The following RANBP17 variants were observed in gnomAD, a reference collection of about 807,000 sequenced individuals.
RANBP17 encodes the protein RAN binding protein 17.
In RANBP17, 158 loss-of-function variants were observed where a neutral mutation model predicts 141.2. That is an observed-to-expected ratio of 1.12 (90% CI 0.98 to 1.28). RANBP17 has a LOEUF of 1.28. Ranked by LOEUF, RANBP17 falls within the 50% of genes most tolerant of loss-of-function variation. The pLI, the probability that RANBP17 is intolerant of heterozygous loss-of-function variation, is 0.00. For synonymous variants in RANBP17, 430 were observed against 450.0 expected, an observed-to-expected ratio of 0.96 and a Z score of 0.56; for missense variants, 1,438 against 1,290.7, an observed-to-expected ratio of 1.11 and a Z score of -1.75.
At chr5:171,042,301 A>G (rs1782304056) in intron 14 of RANBP17, among the ~76,000 whole-genome samples, 1 of 152,086 alleles carries the variant, frequency 6.6e-6, no homozygotes, top group Admixed American at 6.6e-5. Flanking sequence ...ATATAGTTAT[A>G]TATAGTTAAC....
chr5:171,234,252 C>T (rs868680952), intron 22 of RANBP17, among the ~76,000 whole-genome samples: 8 of 152,000 alleles, frequency 5.3e-5, no homozygotes, highest in South Asian at 2.1e-4. Context: ...AGTCTTAAGG[C>T]GGGAGTGTAT....
chr5:170,926,322 G>C (rs912501264), intron 12 of RANBP17, among the ~76,000 whole-genome samples: 1 of 151,994 alleles, frequency 6.6e-6, no homozygotes, highest in Non-Finnish European at 1.5e-5. Flanking sequence ...CCAGCAGCTC[G>C]TATTATTATA....
At chr5:171,207,786 A>G (rs924550930) in intron 20 of RANBP17, 1 of 152,220 alleles carries the variant, frequency 6.6e-6, no homozygotes, top group African/African-American at 2.4e-5. Context: ...CAAGATTTAT[A>G]GTTTTCCTTT....
intron 14 of RANBP17, among the ~76,000 whole-genome samples, chr5:171,134,601 C>A (rs1239694811): frequency 1.3e-5 from 2 of 152,172 alleles, no homozygotes; most frequent in African/African-American, 4.8e-5. Context: ...TGCTCTTGCA[C>A]ACTGAGGTAT....
chr5:170,970,149 T>C (rs1472568013), intron 14 of RANBP17, among the ~76,000 whole-genome samples: 2 of 151,836 alleles, frequency 1.3e-5, no homozygotes, highest in Non-Finnish European at 1.5e-5. Flanking sequence ...GAACAGACTC[T>C]CTAAGACATT....
chr5:171,203,861 G>A (rs1762434651), intron 19 of RANBP17, among the ~76,000 whole-genome samples: 2 of 152,186 alleles, frequency 1.3e-5, no homozygotes, highest in Middle Eastern at 3.4e-3. Flanking sequence ...AAACTTGTAA[G>A]TGTACCTAAT....
intron 14 of RANBP17, among the ~76,000 whole-genome samples, chr5:170,989,332 A>G (rs1449851956): frequency 6.6e-6 from 1 of 151,762 alleles, no homozygotes; most frequent in Admixed American, 6.6e-5. Context: ...CTTAACATCC[A>G]TATATTATGA....
chr5:171,232,417 C>T (rs1171877530), intron 22 of RANBP17, among the ~76,000 whole-genome samples: 4 of 152,108 alleles, frequency 2.6e-5, no homozygotes, highest in Non-Finnish European at 4.4e-5. Context: ...ACTTGTACTA[C>T]CATGTCTTTT....
chr5:171,243,517 TA>T (rs1765016411), intron 24 of RANBP17, among the ~76,000 whole-genome samples: 1 of 152,208 alleles, frequency 6.6e-6, no homozygotes, highest in Admixed American at 6.5e-5. Flanking sequence ...AAATTTTTTT[TA>T]TTTCTCTTGG....
At chr5:170,877,726 A>G (rs1768306368) in intron 1 of RANBP17, among the ~76,000 whole-genome samples, 1 of 152,154 alleles carries the variant, frequency 6.6e-6, no homozygotes, top group Non-Finnish European at 1.5e-5. Context: ...ACTCTACTGA[A>G]GGACCCTGGT....
intron 16 of RANBP17, among the ~76,000 whole-genome samples, chr5:171,174,650 C>T (rs773680935): frequency 1.3e-5 from 2 of 151,866 alleles, no homozygotes; most frequent in Non-Finnish European, 2.9e-5. Flanking sequence ...ACATGCTCCA[C>T]TTGGGTTTCA....
intron 14 of RANBP17, among the ~76,000 whole-genome samples, chr5:171,164,386 C>G (rs1040885259): frequency 3.3e-5 from 5 of 152,084 alleles, no homozygotes; most frequent in Non-Finnish European, 2.9e-5. Flanking sequence ...ATGTACAACT[C>G]AAAATTATGT....
At chr5:171,257,296 T>A (rs1235873477) in intron 24 of RANBP17, among the ~76,000 whole-genome samples, 1 of 152,114 alleles carries the variant, frequency 6.6e-6, no homozygotes, top group Non-Finnish European at 1.5e-5. Context: ...ATCAACAAAA[T>A]TAAGGACAAA....
At chr5:171,058,190 T>C (rs759606410) in intron 14 of RANBP17, among the ~76,000 whole-genome samples, 2 of 152,034 alleles carry the variant, frequency 1.3e-5, no homozygotes, top group Non-Finnish European at 1.5e-5. Context: ...CTTTAAGTTT[T>C]AGGGTACATG....
chr5:171,006,057 C>T (rs928033151), intron 14 of RANBP17, among the ~76,000 whole-genome samples: 1 of 152,080 alleles, frequency 6.6e-6, no homozygotes, highest in African/African-American at 2.4e-5. Flanking sequence ...TACCATCTCA[C>T]ACCAGTTAGA....
At chr5:171,066,773 T>C (rs1434173335) in intron 14 of RANBP17, among the ~76,000 whole-genome samples, 2 of 152,192 alleles carry the variant, frequency 1.3e-5, no homozygotes, top group African/African-American at 4.8e-5. Context: ...CTGTACTAAG[T>C]TACATTCCCA....
At chr5:171,139,187 C>T (rs1336431745) in intron 14 of RANBP17, among the ~76,000 whole-genome samples, 1 of 152,030 alleles carries the variant, frequency 6.6e-6, no homozygotes, top group Non-Finnish European at 1.5e-5. Flanking sequence ...AAAAAATAGG[C>T]AGCAACTGTA....
At chr5:171,229,177 G>C (rs941039705) in intron 22 of RANBP17, among the ~76,000 whole-genome samples, 1 of 152,188 alleles carries the variant, frequency 6.6e-6, no homozygotes, top group African/African-American at 2.4e-5. Context: ...TATGGTCTTC[G>C]ATCTTGTCAG....
At chr5:170,917,747 T>G (rs369028840) in intron 9 of RANBP17, among the ~76,000 whole-genome samples, 18 of 152,156 alleles carry the variant, frequency 1.2e-4, no homozygotes, top group African/African-American at 4.3e-4. Context: ...CATCAACCAA[T>G]AGGTGGAAGA....
Sources: gnomAD v4.1 joint callset for allele counts (sites outside exome capture counted in the v4.1 genomes callset) on GRCh38, gnomAD v4.1.1 for gene constraint, MANE v1.5 for transcripts, NCBI Gene and HGNC (gene_info 2026-07-23, HGNC 2026-07-21) for gene names.